The following PUDP variants were observed in gnomAD, a reference collection of about 807,000 sequenced individuals.
The protein encoded by PUDP is pseudouridine 5'-phosphatase.
PUDP carries 8 observed loss-of-function variants against 9.4 expected under a neutral mutation model. The observed-to-expected ratio is 0.85, with a 90% CI of 0.50 to 1.53. PUDP has a LOEUF of 1.53. Among genes scored for constraint, PUDP ranks in the 40% most tolerant of loss-of-function variants. The pLI is 0.00. For synonymous variants in PUDP, 99 were observed against 80.7 expected (o/e 1.23, Z -1.22); for missense variants, 188 against 189.7 (o/e 0.99, Z 0.05).
intron 2 of PUDP, among the ~76,000 whole-genome samples, chrX:7,085,761 T>C (rs748828673): frequency 8.9e-6 from 1 of 112,021 alleles, no homozygotes; most frequent in East Asian, 2.8e-4. Context: ...TTGGTCATGC[T>C]CAGTGACAAA....
chrX:7,054,616 G>A (rs755466208), intron 3 of PUDP, among the ~76,000 whole-genome samples: 35 of 111,279 alleles, frequency 3.1e-4, no homozygotes, highest in Non-Finnish European at 5.8e-4. Context: ...AGTAAGTACA[G>A]CCTCTGATGT....
intron 3 of PUDP, among the ~76,000 whole-genome samples, chrX:6,831,628 G>A (rs1234657986): frequency 8.9e-6 from 1 of 112,075 alleles, no homozygotes; most frequent in Non-Finnish European, 1.9e-5. Context: ...TGCATATAGT[G>A]AGAATTAAAA....
chrX:6,846,501 G>T (rs1274612485), intron 3 of PUDP, among the ~76,000 whole-genome samples: 1 of 109,614 alleles, frequency 9.1e-6, no homozygotes, highest in African/African-American at 3.3e-5. Context: ...GCATGGCTGT[G>T]AGACTCCCTC....
chrX:6,963,561 T>G (rs1928738290), intron 3 of PUDP, among the ~76,000 whole-genome samples: 1 of 111,812 alleles, frequency 8.9e-6, no homozygotes, highest in Non-Finnish European at 1.9e-5. Context: ...CCCACATACA[T>G]CTGGCATCAG....
At chrX:6,824,929 G>A (rs7061634) in intron 3 of PUDP, among the ~76,000 whole-genome samples, 9,439 of 111,658 alleles carry the variant, frequency 0.085, 347 homozygotes, top group African/African-American at 0.13. Flanking sequence ...GGTGGAAGAC[G>A]GTTTGTTGTT....
intron 1 of PUDP, among the ~76,000 whole-genome samples, chrX:7,123,317 A>G (rs1932394639): frequency 8.9e-6 from 1 of 112,304 alleles, no homozygotes; most frequent in Admixed American, 9.5e-5. Flanking sequence ...ACGGAACTAC[A>G]TAGGAGCAGA....
At chrX:6,855,070 C>T (rs1317371630) in intron 3 of PUDP, among the ~76,000 whole-genome samples, 1 of 108,190 alleles carries the variant, frequency 9.2e-6, no homozygotes, top group African/African-American at 3.4e-5. Flanking sequence ...CAGTGGACTT[C>T]CTTCCACCTC....
intron 1 of PUDP, among the ~76,000 whole-genome samples, chrX:7,114,545 G>A (rs775626432): frequency 1.7e-4 from 19 of 111,702 alleles, no homozygotes; most frequent in Admixed American, 7.6e-4. Flanking sequence ...CTGCCACATT[G>A]GGGATTAAGT....
At chrX:6,791,625 G>T (rs893986312) in intron 3 of PUDP, among the ~76,000 whole-genome samples, 3 of 111,004 alleles carry the variant, frequency 2.7e-5, no homozygotes, top group Admixed American at 1.9e-4. Flanking sequence ...TAAAGTGGAG[G>T]AAGGAGCAGT....
At chrX:6,907,947 G>A (rs1281375968) in intron 3 of PUDP, among the ~76,000 whole-genome samples, 6 of 112,541 alleles carry the variant, frequency 5.3e-5, no homozygotes, top group East Asian at 5.6e-4. Flanking sequence ...TGACTAATTT[G>A]TTCATTGTTA....
chrX:7,145,303 C>G (rs1213582741), intron 1 of PUDP, among the ~76,000 whole-genome samples: 1 of 112,037 alleles, frequency 8.9e-6, no homozygotes, highest in Non-Finnish European at 1.9e-5. Flanking sequence ...TTACCTGGCT[C>G]AATTCTATGA....
At chrX:6,794,881 C>A (rs1198523535) in intron 3 of PUDP, among the ~76,000 whole-genome samples, 2 of 90,223 alleles carry the variant, frequency 2.2e-5, no homozygotes, top group African/African-American at 4.8e-5. Flanking sequence ...AATAAAATAA[C>A]CTTACTTTTC....
intron 1 of PUDP, among the ~76,000 whole-genome samples, chrX:7,014,365 A>G (rs989506551): frequency 9.0e-6 from 1 of 110,639 alleles, no homozygotes; most frequent in Non-Finnish European, 1.9e-5. Context: ...TCTCCTGTCC[A>G]TATCAATTTC....
At chrX:6,988,240 C>G (rs1191489567) in intron 1 of PUDP, among the ~76,000 whole-genome samples, 1 of 111,875 alleles carries the variant, frequency 8.9e-6, no homozygotes, top group Admixed American at 9.5e-5. Context: ...AACCTCATCT[C>G]TTTTGGTGCT....
chrX:6,794,099 G>A (rs1037110559), intron 3 of PUDP, among the ~76,000 whole-genome samples: 1 of 111,940 alleles, frequency 8.9e-6, no homozygotes, highest in Non-Finnish European at 1.9e-5. Flanking sequence ...ACAGAAGCTG[G>A]CTTAAAAAGC....
chrX:6,763,074 G>C (rs925166681), intron 3 of PUDP, among the ~76,000 whole-genome samples: 1 of 112,343 alleles, frequency 8.9e-6, no homozygotes, highest in Non-Finnish European at 1.9e-5. Flanking sequence ...TGTTGAAATA[G>C]CTTTTAAAAA....
intron 3 of PUDP, among the ~76,000 whole-genome samples, chrX:6,756,827 A>T (rs1281647019): frequency 8.9e-6 from 1 of 112,117 alleles, no homozygotes; most frequent in Non-Finnish European, 1.9e-5. Context: ...AGAAAGACTG[A>T]GAAAATAAAC....
At chrX:6,781,704 A>G (rs147432854) in intron 3 of PUDP, among the ~76,000 whole-genome samples, 37 of 112,531 alleles carry the variant, frequency 3.3e-4, no homozygotes, top group African/African-American at 1.1e-3. Flanking sequence ...TCCAGGAGAA[A>G]TAATTCCACT....
rs758111543 is a variant in PUDP, at chrX:7,034,823, A to G, written c.204+42397T>C. Among the ~76,000 whole-genome samples the G allele has an allele frequency of 1.2e-4, 13 of 111,940 alleles. 1 individual carries two copies. The South Asian group carries it at 4.1e-3, about 35-fold the overall frequency. On this transcript the variant is annotated intron_variant and NMD_transcript_variant, in intron 1 of 3. Coordinates refer to the PUDP transcript ENST00000655425. ...TGCAAAATGAAACAGCTCATGTCCA[A>G]TGGTCTGACAATCTGCTGCTCATGA...
Sources: allele counts gnomAD v4.1 joint callset (sites outside exome capture counted in the v4.1 genomes callset), GRCh38; gene constraint gnomAD v4.1.1; transcripts MANE v1.5; gene names NCBI Gene and HGNC (gene_info 2026-07-23, HGNC 2026-07-21).